Variants in MED12L observed in about 807,000 individuals in gnomAD.
MED12L encodes the protein mediator complex subunit 12L, also known as mediator of RNA polymerase II transcription subunit 12-like protein.
In MED12L, 60 loss-of-function variants were observed where a neutral mutation model predicts 281.3. The observed-to-expected ratio is 0.21, with a 90% CI of 0.17 to 0.26. MED12L has a LOEUF of 0.26. Ranked by LOEUF, MED12L falls within the 10% of genes least tolerant of loss-of-function variation. The pLI is 1.00. For missense variants in MED12L, 2,146 were observed against 2,680.9 expected, an observed-to-expected ratio of 0.80 and a Z score of 4.41; for synonymous variants, 974 against 987.2, an observed-to-expected ratio of 0.99 and a Z score of 0.25.
intron 16 of MED12L, 77 bp from the exon 17 acceptor site, chr3:151,349,981 GT>G: frequency 7.1e-7 from 1 of 1,400,194 alleles, no homozygotes; most frequent in Non-Finnish European, 9.8e-7. Context: ...AGGTGCTGTG[GT>G]CAGTGCATTT....
intron 16 of MED12L, among the ~76,000 whole-genome samples, chr3:151,298,444 C>T (rs1186102177): frequency 2.6e-5 from 4 of 152,226 alleles, no homozygotes; most frequent in Admixed American, 6.5e-5. Context: ...TATTATCAAA[C>T]ATGATTTCCC....
chr3:151,322,832 G>C (rs1309226256), intron 16 of MED12L, among the ~76,000 whole-genome samples: 1 of 152,012 alleles, frequency 6.6e-6, no homozygotes, highest in Non-Finnish European at 1.5e-5. Context: ...GTGTAGTATG[G>C]CCTCTGGGGT....
chr3:151,426,661 G>A lies in MED12L; in HGVS notation c.6409-3638G>A, dbSNP rs76584243. On this transcript the variant is annotated intron_variant, in intron 43 of 44. Coordinates refer to ENST00000687756, the MANE Select transcript of MED12L (RefSeq NM_001393769.1). ...TATTGCAGACCCAAAGAGCTTTTGT[G>A]TATCAATATTTACCATGTTAGAAAT... 4.3e-3 allele frequency among the ~76,000 whole-genome samples: 648 copies of A among 152,118 alleles called. 4 individuals carry two copies. The highest frequency in any genetic ancestry group is 0.014 in the East Asian group (74 of 5,174).
chr3:151,421,347 A>C (rs531352874), intron 43 of MED12L, among the ~76,000 whole-genome samples: 2 of 151,940 alleles, frequency 1.3e-5, no homozygotes, highest in Non-Finnish European at 2.9e-5. Context: ...CTCTTCCCCA[A>C]ATTTCTTTGT....
intron 5 of MED12L, among the ~76,000 whole-genome samples, chr3:151,135,411 G>A (rs1716001798): frequency 6.6e-6 from 1 of 152,206 alleles, no homozygotes; most frequent in Non-Finnish European, 1.5e-5. Flanking sequence ...GATAATATGC[G>A]ACAACTGCTA....
At chr3:151,253,998 TG>T (rs1381541514) in intron 16 of MED12L, among the ~76,000 whole-genome samples, 8 of 109,912 alleles carry the variant, frequency 7.3e-5, no homozygotes, top group Non-Finnish European at 1.6e-4. Context: ...GATTTTTTCT[TG>T]TTTTTTTTTT....
Position 151,359,312 on chromosome 3 carries a change from G to C in MED12L, c.2826-1162G>C, listed in dbSNP as rs59958773. ...GGTTTGCTTGTTTATATAGTTAACA[G>C]GTTGAATCATTACTTTTCTTCTTAA... On this transcript the variant is annotated intron_variant, in intron 20 of 44. Transcript: ENST00000687756. Among the ~76,000 whole-genome samples the C allele has an allele frequency of 4.0e-3, 612 of 152,246 alleles. 3 individuals carry two copies. Among genetic ancestry groups the C allele is most frequent in the African/African-American group, 0.014 (587 of 41,560 alleles).
rs566034367 is a variant in MED12L, at chr3:151,324,746, G to A, written c.2251-25313G>A. Among the ~76,000 whole-genome samples, 7 of 152,224 alleles carry A rather than the reference G, an allele frequency of 4.6e-5. No individual in the cohort carries two copies. The South Asian group carries it at 8.3e-4, about 18-fold the overall frequency. On this transcript the variant is annotated intron_variant, in intron 16 of 44. Coordinates refer to ENST00000687756, the MANE Select transcript of MED12L (RefSeq NM_001393769.1). ...TTGGAGAATCTCTCCAGCCGATTCC[G>A]GTAGCCACTAAAATTTGCAAACTAA...
At chr3:151,141,187 G>GTTTTTTTGTTTTTTTTTTTTTTTTTTT (rs376743895) in intron 5 of MED12L, among the ~76,000 whole-genome samples, 2 of 99,106 alleles carry the variant, frequency 2.0e-5, no homozygotes, top group Admixed American at 1.1e-4. Context: ...TGTTTTTTTT[G>GTTTTTTTGTTTTTTTTTTTTTTTTTTT]TTTTTTTTTT....
chr3:151,345,874 AT>A (rs1418902538), intron 16 of MED12L, among the ~76,000 whole-genome samples: 2 of 152,140 alleles, frequency 1.3e-5, no homozygotes, highest in Non-Finnish European at 2.9e-5. Flanking sequence ...CTCTTGAAAA[AT>A]AGTAGCTTCT....
chr3:151,192,002 T>C (rs779225915), intron 14 of MED12L, among the ~76,000 whole-genome samples: 58 of 152,196 alleles, frequency 3.8e-4, no homozygotes, highest in Non-Finnish European at 7.5e-4. Flanking sequence ...AAAAACCTGG[T>C]ATTAGAATTG....
chr3:151,256,299 C>A (rs1392856581), intron 16 of MED12L, among the ~76,000 whole-genome samples: 1 of 152,148 alleles, frequency 6.6e-6, no homozygotes, highest in Non-Finnish European at 1.5e-5. Flanking sequence ...GGATGGGGCA[C>A]ACATGATGGA....
chr3:151,307,456 A>G (rs1396512629), intron 16 of MED12L, among the ~76,000 whole-genome samples: 3 of 152,058 alleles, frequency 2.0e-5, no homozygotes, highest in African/African-American at 4.8e-5. Context: ...TTGCTGGTAC[A>G]TGTAGCTTAC....
At chr3:151,294,969 T>C (rs1370940614) in intron 16 of MED12L, 2 of 1,614,056 alleles carry the variant, frequency 1.2e-6, no homozygotes, top group East Asian at 4.5e-5. Flanking sequence ...AATGGAAATG[T>C]CAGCGTCATT....
chr3:151,099,538 G>A (rs567641141), intron 2 of MED12L, among the ~76,000 whole-genome samples: 1 of 152,178 alleles, frequency 6.6e-6, no homozygotes, highest in Non-Finnish European at 1.5e-5. Flanking sequence ...TCTCTTTAAT[G>A]TCTAGACTTT....
chr3:151,103,594 A>G (rs1047817104), intron 2 of MED12L, among the ~76,000 whole-genome samples: 1 of 152,238 alleles, frequency 6.6e-6, no homozygotes, highest in East Asian at 1.9e-4. Flanking sequence ...TGTGCTGGTC[A>G]TACAAAAGAT....
rs774021795 is a variant in MED12L at position 151,365,014 on chromosome 3, A to G, written c.2993A>G (p.Asn998Ser). Residue 998 changes from asparagine to serine, a missense_variant, in exon 22 of 45, where the codon AAT becomes AGT. Asn to Ser is a conservative substitution (Grantham distance 46). Transcript: ENST00000687756. ...TCAAAAGTAAAGCAAACCATATATA[A>G]TAACGTGATGCCTGCAAATTCGAAC... ...ACSKVKQTIY[N>S]NVMPANSNLR... 2.5e-6 allele frequency: 4 copies of G among 1,614,086 alleles called. No homozygotes were observed. The highest frequency in any genetic ancestry group is 3.4e-6 in the Non-Finnish European group (4 of 1,179,924).
intron 11 of MED12L, among the ~76,000 whole-genome samples, chr3:151,177,774 T>A (rs991336186): frequency 1.1e-4 from 17 of 152,136 alleles, no homozygotes; most frequent in Non-Finnish European, 1.9e-4. Context: ...ATTACAGGCA[T>A]AAGCCACTGC....
At chr3:151,208,466 G>C (rs2149193902) in intron 16 of MED12L, among the ~76,000 whole-genome samples, 2 of 152,308 alleles carry the variant, frequency 1.3e-5, no homozygotes, top group East Asian at 3.9e-4. Flanking sequence ...TGGATCACCG[G>C]AGGTCGGGAG....
Sources: allele counts gnomAD v4.1 joint callset (sites outside exome capture counted in the v4.1 genomes callset), GRCh38; gene constraint gnomAD v4.1.1; transcripts MANE v1.5; gene names NCBI Gene and HGNC (gene_info 2026-07-23, HGNC 2026-07-21).